The following UPRT variants were observed in gnomAD, a reference collection of about 807,000 sequenced individuals.
UPRT encodes RP11-311P8.3.
UPRT carries 5 observed loss-of-function variants against 22.6 expected under a neutral mutation model. The observed-to-expected ratio is 0.22, with a 90% confidence interval of 0.12 to 0.47. UPRT has a LOEUF of 0.47. UPRT is among the 20% of genes least tolerant of loss of function. UPRT has a pLI of 0.99. For missense variants in UPRT, 181 were observed against 239.9 expected, an observed-to-expected ratio of 0.75 and a Z score of 1.62; for synonymous variants, 77 against 87.7, an observed-to-expected ratio of 0.88 and a Z score of 0.68.
chrX:75,246,206 T>G (rs2082505449), intron 4 of UPRT, among the ~76,000 whole-genome samples: 1 of 107,829 alleles, frequency 9.3e-6, no homozygotes, highest in African/African-American at 3.4e-5. Flanking sequence ...CTGCACCCAT[T>G]AACTCGTCAT....
At chrX:75,247,552 G>C (rs180939265) in intron 4 of UPRT, among the ~76,000 whole-genome samples, 1 of 112,165 alleles carries the variant, frequency 8.9e-6, no homozygotes, top group Admixed American at 9.4e-5. Context: ...AGATATTGCC[G>C]AGGCTTGACT....
At chrX:75,227,225 C>T (rs1022887970) in intron 4 of UPRT, among the ~76,000 whole-genome samples, 25 of 111,594 alleles carry the variant, frequency 2.2e-4, no homozygotes, top group Admixed American at 1.3e-3. Context: ...TTTCTAATCT[C>T]CTCCACATTT....
chrX:75,263,291 A>G lies in UPRT; in HGVS notation c.-446-27733A>G, dbSNP rs983536150. Among the ~76,000 whole-genome samples, 3 of 111,841 alleles carry G rather than the reference A, an allele frequency of 2.7e-5. No homozygotes were observed. The East Asian group carries it at 8.4e-4, about 31-fold the overall frequency. On this transcript the variant is annotated intron_variant, in intron 4 of 13. Coordinates refer to the UPRT transcript ENST00000652605. ...ATTGATTGGAATAGTTTCAGAAGGA[A>G]TGGTACCAGCTCCTCCCTGTACCTC...
At chrX:75,238,315 C>T (rs1027326678) in intron 4 of UPRT, among the ~76,000 whole-genome samples, 2 of 111,152 alleles carry the variant, frequency 1.8e-5, no homozygotes, top group African/African-American at 6.5e-5. Flanking sequence ...ACACCCACAG[C>T]AAGCAGGAGT....
intron 4 of UPRT, among the ~76,000 whole-genome samples, chrX:75,204,213 T>C (rs2082356520): frequency 9.0e-6 from 1 of 111,259 alleles, no homozygotes; most frequent in Non-Finnish European, 1.9e-5. Flanking sequence ...GGCAACCTGC[T>C]ATCCCGGTGC....
upstream of UPRT, among the ~76,000 whole-genome samples, chrX:75,272,599 G>T (rs1244666980): frequency 9.3e-6 from 1 of 107,737 alleles, no homozygotes; most frequent in Admixed American, 1.0e-4. Flanking sequence ...GGTGGGAAGG[G>T]CTTGAGAGAT....
intron 4 of UPRT, among the ~76,000 whole-genome samples, chrX:75,180,888 TG>T (rs2082268369): frequency 3.6e-5 from 4 of 109,764 alleles, no homozygotes; most frequent in Admixed American, 2.9e-4. Context: ...TGTCAGTTTT[TG>T]CTTTTGTCAC....
At chrX:75,229,704 C>T (rs1460417942) in intron 4 of UPRT, among the ~76,000 whole-genome samples, 1 of 111,834 alleles carries the variant, frequency 8.9e-6, no homozygotes, top group Non-Finnish European at 1.9e-5. Context: ...TTTGAAGAGC[C>T]TTGTAGGCAC....
At chrX:75,299,158 G>A (rs1309453451) in intron 4 of UPRT, among the ~76,000 whole-genome samples, 2 of 112,223 alleles carry the variant, frequency 1.8e-5, no homozygotes, top group African/African-American at 3.2e-5. Context: ...AGAAATCAAC[G>A]GTGGTAGTGC....
At chrX:75,209,511 T>C (rs947536347) in intron 4 of UPRT, among the ~76,000 whole-genome samples, 1 of 112,064 alleles carries the variant, frequency 8.9e-6, no homozygotes, top group Non-Finnish European at 1.9e-5. Flanking sequence ...GTAGCTGGGA[T>C]ACAGGCATCC....
At chrX:75,214,248 A>T (rs1406204481) in intron 4 of UPRT, among the ~76,000 whole-genome samples, 1 of 112,814 alleles carries the variant, frequency 8.9e-6, no homozygotes, top group Non-Finnish European at 1.9e-5. Flanking sequence ...AAAGAGACTC[A>T]ATGTAAATGT....
intron 4 of UPRT, among the ~76,000 whole-genome samples, chrX:75,238,329 T>C (rs1356472880): frequency 9.0e-6 from 1 of 111,523 alleles, no homozygotes; most frequent in Non-Finnish European, 1.9e-5. Context: ...CAGGAGTAGC[T>C]ATTCTTATAT....
At chrX:75,248,890 G>C (rs1224427106) in intron 4 of UPRT, among the ~76,000 whole-genome samples, 1 of 112,134 alleles carries the variant, frequency 8.9e-6, no homozygotes, top group Non-Finnish European at 1.9e-5. Context: ...CCAGAAGAGA[G>C]TGGGGGCTAA....
Position 75,274,289 on chromosome X carries a change from C to T in UPRT, c.35C>T (p.Pro12Leu). The T allele has an allele frequency of 1.7e-6, 2 of 1,210,308 alleles. No homozygotes were observed. Among genetic ancestry groups the T allele is most frequent in the Non-Finnish European group, 2.2e-6 (2 of 894,750 alleles). Residue 12 changes from proline to leucine, a missense_variant, in exon 1 of 7, where the codon CCC (proline) becomes CTC (leucine). Physicochemically the swap from Pro to Leu is moderately conservative, Grantham distance 98. Coordinates refer to ENST00000373383, the MANE Select transcript of UPRT (RefSeq NM_145052.4). ...ATELQCPDSM[P>L]CHNQQVNSAS... Reference sequence around the variant, plus strand: ...GAGTTACAGTGTCCGGACTCCATGCCCTGTCACAACCAGCAAGTAAACTCT... The same window carrying T: ...GAGTTACAGTGTCCGGACTCCATGCTCTGTCACAACCAGCAAGTAAACTCT...
At chrX:75,258,407 G>T (rs1042716398) in intron 4 of UPRT, among the ~76,000 whole-genome samples, 4 of 109,706 alleles carry the variant, frequency 3.6e-5, no homozygotes, top group African/African-American at 1.3e-4. Context: ...GTAGTCTGAG[G>T]TTGACCTGGG....
intron 4 of UPRT, among the ~76,000 whole-genome samples, chrX:75,198,695 C>T (rs1272620562): frequency 5.4e-5 from 6 of 111,386 alleles, no homozygotes; most frequent in Admixed American, 4.8e-4. Flanking sequence ...AACATATGCA[C>T]ATATGTTCTA....
At chrX:75,250,616 G>A (rs1025863761) in intron 4 of UPRT, among the ~76,000 whole-genome samples, 1 of 110,878 alleles carries the variant, frequency 9.0e-6, no homozygotes, top group Non-Finnish European at 1.9e-5. Flanking sequence ...ATTCACAGCC[G>A]AATTCTACCA....
chrX:75,255,529 G>T, intron 4 of UPRT, among the ~76,000 whole-genome samples: 1 of 111,733 alleles, frequency 8.9e-6, no homozygotes, highest in Non-Finnish European at 1.9e-5. Flanking sequence ...ACATTGAATT[G>T]GAGTGACCTA....
At chrX:75,159,113 C>T (rs940909396) in intron 1 of UPRT, among the ~76,000 whole-genome samples, 1 of 111,690 alleles carries the variant, frequency 9.0e-6, no homozygotes, top group Non-Finnish European at 1.9e-5. Context: ...TTTCATTGTC[C>T]CCTCCCTTCT....
Sources: allele counts gnomAD v4.1 joint callset (sites outside exome capture counted in the v4.1 genomes callset), GRCh38; gene constraint gnomAD v4.1.1; transcripts MANE v1.5; gene names NCBI Gene and HGNC (gene_info 2026-07-23, HGNC 2026-07-21).